The following MROH9 variants were observed in gnomAD, a reference collection of about 807,000 sequenced individuals.
The protein encoded by MROH9 is maestro heat-like repeat-containing protein family member 9.
A neutral mutation model predicts 98.2 loss-of-function variants in MROH9; 92 were observed. The ratio of observed to expected loss-of-function variants is 0.94; its 90% CI spans 0.79 to 1.11. MROH9 has a LOEUF of 1.11. Ranked by LOEUF, MROH9 falls within the 50% of genes most tolerant of loss-of-function variation. The probability of loss-of-function intolerance (pLI) is 0.00; values close to 1 mark genes in which losing one functional copy is unlikely to be tolerated. For synonymous variants in MROH9, 397 were observed against 368.9 expected (o/e 1.08, Z -0.87); for missense variants, 1,057 against 1,014.8 (o/e 1.04, Z -0.57).
intron 7 of MROH9, among the ~76,000 whole-genome samples, chr1:170,969,233 T>G (rs1287356130): frequency 6.6e-6 from 1 of 152,130 alleles, no homozygotes; most frequent in Admixed American, 6.5e-5. Flanking sequence ...ATATGGCATA[T>G]TATCCACTCA....
rs190852720 is a variant in MROH9, at chr1:171,054,931, G to A, written c.2282-7201G>A. 6.5e-4 allele frequency among the ~76,000 whole-genome samples: 99 copies of A among 152,092 alleles called. 1 individual carries two copies. The highest frequency in any genetic ancestry group is 3.1e-3 in the South Asian group (15 of 4,806). ...GAATCTAAACTAGTACAGCCATTATGGAAAATGGTGTGGAGAGTCCTTAAA... is the reference window on the plus strand; with the variant it reads ...GAATCTAAACTAGTACAGCCATTATAGAAAATGGTGTGGAGAGTCCTTAAA... On this transcript the variant is annotated intron_variant, in intron 20 of 21. Coordinates refer to ENST00000367759, the MANE Select transcript of MROH9 (RefSeq NM_001163629.2).
At chr1:171,037,858 A>G (rs962123388) in intron 20 of MROH9, among the ~76,000 whole-genome samples, 1 of 152,072 alleles carries the variant, frequency 6.6e-6, no homozygotes, top group Non-Finnish European at 1.5e-5. Flanking sequence ...GTTAAATGAC[A>G]TTGGGACACC....
chr1:171,052,236 C>G (rs1313040932), intron 20 of MROH9, among the ~76,000 whole-genome samples: 3 of 152,146 alleles, frequency 2.0e-5, no homozygotes, highest in Admixed American at 6.5e-5. Flanking sequence ...AGTTGTTTGT[C>G]ATTGTTATCA....
intron 15 of MROH9, among the ~76,000 whole-genome samples, chr1:171,012,640 C>G (rs1467740534): frequency 6.6e-6 from 1 of 151,576 alleles, no homozygotes; most frequent in African/African-American, 2.4e-5. Flanking sequence ...GTAGCTGGGA[C>G]TACAGGTGCC....
chr1:170,940,128 G>A (rs61815199), intron 1 of MROH9, among the ~76,000 whole-genome samples: 14,733 of 152,136 alleles, frequency 0.097, 1,135 homozygotes, highest in African/African-American at 0.21. Flanking sequence ...AAATCTGTAG[G>A]GGCCCATTGG....
At chr1:171,030,494 C>T (rs1213241193) in intron 20 of MROH9, among the ~76,000 whole-genome samples, 1 of 152,116 alleles carries the variant, frequency 6.6e-6, no homozygotes, top group Non-Finnish European at 1.5e-5. Flanking sequence ...GTCCCATGTT[C>T]TCATTAGTTT....
In MROH9 at chr1:171,024,730, T is replaced by C; in HGVS notation, c.2143T>C (p.Phe715Leu). The stretch of plus-strand genomic sequence containing the variant: ...TTTGCTCAAAGATGAAAATTACAGT[T>C]TTGAGATGGTGGTGCTCAATATCTG... ...SRLLKDENYS[F>L]EMVVLNICNN... Residue 715 changes from phenylalanine to leucine, a missense_variant, in exon 19 of 22, where the codon TTT (phenylalanine) becomes CTT (leucine). Transcript: ENST00000367759. 1 of 1,550,680 alleles carries C rather than the reference T, an allele frequency of 6.4e-7. No homozygotes were observed. The highest frequency in any genetic ancestry group is 8.7e-7 in the Non-Finnish European group (1 of 1,146,204).
chr1:170,999,893 T>C (rs1651730496), intron 15 of MROH9, among the ~76,000 whole-genome samples: 1 of 152,190 alleles, frequency 6.6e-6, no homozygotes, highest in South Asian at 2.1e-4. Flanking sequence ...AGTAAGGTGG[T>C]ATTGCATTGT....
rs1557865989 is a variant in MROH9 at position 170,941,010 on chromosome 1, ACT to A, written c.-37-4507_-37-4506del. On this transcript the variant is annotated intron_variant, in intron 1 of 21. Transcript: ENST00000367759. ...GAAATAACATCAGTTATAACAAATA[ACT>A]CTGTAATAACCCAGGATGGATTGGG... is the stretch of plus-strand genomic sequence containing the variant. Among the ~76,000 whole-genome samples, 4 of 151,994 alleles carry A rather than the reference ACT, an allele frequency of 2.6e-5. No homozygotes were observed. The South Asian group carries it at 6.2e-4, about 24-fold the overall frequency.
chr1:171,024,212 T>C (rs1193656650), intron 17 of MROH9, among the ~76,000 whole-genome samples, 183 bp from the exon 18 acceptor site: 3 of 152,094 alleles, frequency 2.0e-5, no homozygotes, highest in African/African-American at 4.8e-5. Flanking sequence ...CCTAACTACT[T>C]GAACCCAAGG....
At chr1:171,013,456 G>T (rs529639814) in intron 15 of MROH9, among the ~76,000 whole-genome samples, 40 of 152,254 alleles carry the variant, frequency 2.6e-4, no homozygotes, top group Non-Finnish European at 5.3e-4. Flanking sequence ...TGAGGTAGAA[G>T]AGTTTTACAC....
chr1:171,024,918 G>A (rs1652656407), intron 19 of MROH9, among the ~76,000 whole-genome samples, 153 bp downstream of exon 19: 1 of 152,214 alleles, frequency 6.6e-6, no homozygotes, highest in South Asian at 2.1e-4. Flanking sequence ...GCTGGAGCTT[G>A]AGCCGAGAGG....
intron 5 of MROH9, among the ~76,000 whole-genome samples, chr1:170,961,099 T>C (rs1650000894): frequency 6.6e-6 from 1 of 152,248 alleles, no homozygotes; most frequent in Non-Finnish European, 1.5e-5. Flanking sequence ...TAGCAATTAC[T>C]GTCTACTTCC....
intron 12 of MROH9, among the ~76,000 whole-genome samples, chr1:170,994,802 G>A (rs1011498423): frequency 3.9e-5 from 6 of 151,940 alleles, no homozygotes; most frequent in South Asian, 4.2e-4. Flanking sequence ...ATGTAAACAC[G>A]TCTTTAAAAT....
At chr1:171,051,324 A>C (rs188077412) in intron 20 of MROH9, among the ~76,000 whole-genome samples, 9 of 152,270 alleles carry the variant, frequency 5.9e-5, no homozygotes, top group African/African-American at 2.2e-4. Flanking sequence ...AATAGCAAAG[A>C]CATAGAATAA....
In MROH9 at chr1:170,992,330, G is replaced by T. The variant is rs1651390230; in HGVS notation, c.1194+1G>T. 6.2e-7 allele frequency: 1 copy of T among 1,611,580 alleles called. No individual in the cohort carries two copies. Among genetic ancestry groups the T allele is most frequent in the African/African-American group, 1.3e-5 (1 of 74,776 alleles). ...TATTACCAACTTGATGCCTTTGGCG[G>T]TAAATAACACGATGAGTGTTTCTTC... On this transcript the variant is annotated splice_donor_variant, in intron 12 of 21. Transcript: ENST00000367759. LOFTEE classifies it high-confidence loss of function.
intron 20 of MROH9, among the ~76,000 whole-genome samples, chr1:171,049,977 T>A (rs942650911): frequency 1.3e-5 from 2 of 152,206 alleles, no homozygotes; most frequent in African/African-American, 4.8e-5. Flanking sequence ...CCACCATGCC[T>A]GGACTATTTT....
intron 1 of MROH9, among the ~76,000 whole-genome samples, chr1:170,941,821 C>A (rs1016499624): frequency 3.9e-5 from 6 of 152,152 alleles, no homozygotes; most frequent in African/African-American, 1.4e-4. Flanking sequence ...ACACTCCCGG[C>A]GTGAGGGACT....
intron 8 of MROH9, among the ~76,000 whole-genome samples, chr1:170,982,993 C>T (rs555938123): frequency 4.6e-5 from 7 of 152,320 alleles, no homozygotes; most frequent in African/African-American, 1.7e-4. Context: ...AGCTCACCTT[C>T]TCCAGAACTG....
Sources: allele counts gnomAD v4.1 joint callset (sites outside exome capture counted in the v4.1 genomes callset), GRCh38; gene constraint gnomAD v4.1.1; transcripts MANE v1.5; gene names NCBI Gene and HGNC (gene_info 2026-07-23, HGNC 2026-07-21).